Variants in RABGAP1L observed in about 807,000 individuals in gnomAD.
The protein encoded by RABGAP1L is RAB GTPase activating protein 1 like, also known as rab GTPase-activating protein 1-like.
Under a neutral mutation model 137.7 loss-of-function variants are expected in RABGAP1L, and 63 were observed. The observed-to-expected ratio is 0.46, with a 90% CI of 0.37 to 0.56. The LOEUF (loss-of-function observed/expected upper bound fraction) is 0.56. RABGAP1L is among the 20% of genes least tolerant of loss of function. The pLI is 0.00. For synonymous variants in RABGAP1L, 431 were observed against 433.7 expected (o/e 0.99, Z 0.08); for missense variants, 1,095 against 1,244.0 (o/e 0.88, Z 1.80).
At chr1:174,580,057 C>T (rs1668624034) in intron 13 of RABGAP1L, among the ~76,000 whole-genome samples, 1 of 150,074 alleles carries the variant, frequency 6.7e-6, no homozygotes, top group African/African-American at 2.4e-5. Flanking sequence ...ACACCGTGGC[C>T]AGCCATGACT....
intron 13 of RABGAP1L, among the ~76,000 whole-genome samples, chr1:174,507,302 A>C: frequency 6.6e-6 from 1 of 152,214 alleles, no homozygotes; most frequent in East Asian, 1.9e-4. Flanking sequence ...TAGAAAATTA[A>C]GAAAAGGTAG....
At chr1:174,328,651 T>TC (rs1254768260) in intron 11 of RABGAP1L, among the ~76,000 whole-genome samples, 1 of 152,088 alleles carries the variant, frequency 6.6e-6, no homozygotes, top group Non-Finnish European at 1.5e-5. Context: ...GCACCTGTAG[T>TC]CCCAGCTACT....
At chr1:174,507,700 T>C (rs745780125) in intron 13 of RABGAP1L, among the ~76,000 whole-genome samples, 2 of 151,910 alleles carry the variant, frequency 1.3e-5, no homozygotes, top group Non-Finnish European at 2.9e-5. Context: ...GAGAAAAAAA[T>C]TAAAGGAGTA....
chr1:174,612,190 G>T (rs565552838), intron 13 of RABGAP1L, among the ~76,000 whole-genome samples: 2 of 152,234 alleles, frequency 1.3e-5, no homozygotes, highest in South Asian at 4.1e-4. Flanking sequence ...TTGGCTGTGG[G>T]TCTGTCATAG....
intron 19 of RABGAP1L, among the ~76,000 whole-genome samples, chr1:174,812,454 A>C (rs1045409754): frequency 1.3e-5 from 2 of 152,212 alleles, no homozygotes; most frequent in African/African-American, 4.8e-5. Context: ...CATTTTATAA[A>C]TCAATTTGAA....
At chr1:174,202,265 C>G (rs1409138590) in intron 1 of RABGAP1L, among the ~76,000 whole-genome samples, 2 of 152,082 alleles carry the variant, frequency 1.3e-5, no homozygotes, top group African/African-American at 4.8e-5. Flanking sequence ...ACAGTCCCAC[C>G]AACAGTGTAA....
chr1:174,788,645 G>A (rs895654636), intron 18 of RABGAP1L, among the ~76,000 whole-genome samples: 1 of 152,074 alleles, frequency 6.6e-6, no homozygotes, highest in Non-Finnish European at 1.5e-5. Flanking sequence ...TTGTTGTCCA[G>A]TACCCATCTT....
intron 13 of RABGAP1L, among the ~76,000 whole-genome samples, chr1:174,523,958 A>G (rs1663652794): frequency 6.6e-6 from 1 of 152,194 alleles, no homozygotes; most frequent in Non-Finnish European, 1.5e-5. Context: ...TGCTGCAATG[A>G]CAAGATTGAC....
intron 18 of RABGAP1L, among the ~76,000 whole-genome samples, chr1:174,795,551 A>G (rs1688183290): frequency 6.6e-6 from 1 of 152,166 alleles, no homozygotes; most frequent in South Asian, 2.1e-4. Context: ...TTAACATGCT[A>G]ATAAACCCCA....
chr1:174,842,177 T>C (rs1413882331), intron 19 of RABGAP1L, among the ~76,000 whole-genome samples: 3 of 152,224 alleles, frequency 2.0e-5, no homozygotes, highest in Non-Finnish European at 1.5e-5. Context: ...TAGTCCATTT[T>C]TCTGTTCTTA....
chr1:174,434,358 TATTCATTCCCCTGTTG>T (rs1269316118), intron 13 of RABGAP1L, among the ~76,000 whole-genome samples: 2 of 152,224 alleles, frequency 1.3e-5, no homozygotes, highest in Non-Finnish European at 2.9e-5. Flanking sequence ...ACGGTTTGTT[TATTCATTCCCCTGTTG>T]ATGGATGTGC....
chr1:174,250,025 A>G (rs1168759373), intron 5 of RABGAP1L, among the ~76,000 whole-genome samples: 1 of 152,148 alleles, frequency 6.6e-6, no homozygotes, highest in African/African-American at 2.4e-5. Flanking sequence ...TCCAGTATGT[A>G]TGCTGGTGGT....
chr1:174,495,834 A>G (rs1185246599), intron 13 of RABGAP1L, among the ~76,000 whole-genome samples: 2 of 152,202 alleles, frequency 1.3e-5, no homozygotes, highest in Non-Finnish European at 1.5e-5. Flanking sequence ...TTTTGCACAC[A>G]TATGAGTTTA....
At chr1:174,599,104 G>A (rs1265388724) in intron 13 of RABGAP1L, among the ~76,000 whole-genome samples, 3 of 151,088 alleles carry the variant, frequency 2.0e-5, no homozygotes, top group African/African-American at 7.3e-5. Flanking sequence ...TGTATCTGTT[G>A]TAGGTATTTC....
intron 14 of RABGAP1L, among the ~76,000 whole-genome samples, chr1:174,682,939 A>T (rs1678190624): frequency 6.6e-6 from 1 of 152,190 alleles, no homozygotes; most frequent in African/African-American, 2.4e-5. Flanking sequence ...GGACAATGCT[A>T]AATATTTCTG....
chr1:174,199,064 C>T lies in RABGAP1L; in HGVS notation c.-33-20061C>T, dbSNP rs551435027. 6.6e-5 allele frequency among the ~76,000 whole-genome samples: 10 copies of T among 151,978 alleles called. No homozygotes were observed. The South Asian group carries it at 1.9e-3, about 29-fold the overall frequency. ...CGGAGGTTGCAGTGAGCCAAGATTG[C>T]GCCATTGCACTCCAGCCTGGGCAAC... On this transcript the variant is annotated intron_variant, in intron 1 of 25. Transcript: ENST00000681986.
At chr1:174,657,013 A>G (rs145602972) in intron 14 of RABGAP1L, among the ~76,000 whole-genome samples, 54 of 152,302 alleles carry the variant, frequency 3.5e-4, no homozygotes, top group Non-Finnish European at 5.6e-4. Flanking sequence ...GAGCATGTAC[A>G]TAGCCCTGCA....
chr1:174,707,761 A>T (rs1680165665), intron 17 of RABGAP1L, among the ~76,000 whole-genome samples: 1 of 152,226 alleles, frequency 6.6e-6, no homozygotes, highest in Admixed American at 6.5e-5. Flanking sequence ...TTCTTCAATT[A>T]TCTAGGTTTC....
chr1:174,440,643 T>G (rs1263037439), intron 13 of RABGAP1L, among the ~76,000 whole-genome samples: 4 of 152,146 alleles, frequency 2.6e-5, no homozygotes, highest in South Asian at 2.1e-4. Context: ...TGGCGTGATC[T>G]CTGCTCACTG....
Sources: allele counts gnomAD v4.1 joint callset (sites outside exome capture counted in the v4.1 genomes callset), GRCh38; gene constraint gnomAD v4.1.1; transcripts MANE v1.5; gene names NCBI Gene and HGNC (gene_info 2026-07-23, HGNC 2026-07-21).